PTPRJ: variants seen among roughly 807,000 people sequenced by gnomAD.
PTPRJ encodes receptor-type tyrosine-protein phosphatase eta.
A neutral mutation model predicts 141.3 loss-of-function variants in PTPRJ; 129 were observed. The ratio of observed to expected loss-of-function variants is 0.91; its 90% CI spans 0.79 to 1.06. PTPRJ has a LOEUF of 1.06. Among genes scored for constraint, PTPRJ ranks in the 50% least tolerant of loss-of-function variants. The pLI, the probability that PTPRJ is intolerant of heterozygous loss-of-function variation, is 0.00. For missense variants in PTPRJ, 1,601 were observed against 1,679.7 expected (o/e 0.95, Z 0.82); for synonymous variants, 610 against 640.5 (o/e 0.95, Z 0.72).
chr11:48,087,722 C>T (rs954965755), intron 1 of PTPRJ, among the ~76,000 whole-genome samples: 1 of 152,290 alleles, frequency 6.6e-6, no homozygotes, highest in African/African-American at 2.4e-5. Flanking sequence ...TCAGATTCTA[C>T]CTCTGTTACT....
intron 1 of PTPRJ, among the ~76,000 whole-genome samples, chr11:48,094,797 A>C (rs1360815601): frequency 6.6e-6 from 1 of 152,082 alleles, no homozygotes; most frequent in East Asian, 1.9e-4. Context: ...TTTGGATTAG[A>C]CTTTGGGTCA....
chr11:48,075,927 G>A (rs1423595014), intron 1 of PTPRJ, among the ~76,000 whole-genome samples: 1 of 152,148 alleles, frequency 6.6e-6, no homozygotes, highest in Admixed American at 6.6e-5. Flanking sequence ...GGGTGTTTGA[G>A]CCTCCTGCAT....
intron 7 of PTPRJ, among the ~76,000 whole-genome samples, chr11:48,129,264 A>G (rs1052601917): frequency 4.6e-5 from 7 of 152,228 alleles, no homozygotes; most frequent in African/African-American, 1.4e-4. Context: ...TTGAACAGAA[A>G]TAGACTTTCT....
At chr11:48,026,847 C>G (rs1228500985) in intron 1 of PTPRJ, among the ~76,000 whole-genome samples, 1 of 152,006 alleles carries the variant, frequency 6.6e-6, no homozygotes, top group Non-Finnish European at 1.5e-5. Flanking sequence ...CCCTCACCTG[C>G]TTCCCACCCT....
intron 15 of PTPRJ, among the ~76,000 whole-genome samples, chr11:48,147,658 G>A (rs930850607): frequency 1.3e-5 from 2 of 152,140 alleles, no homozygotes; most frequent in African/African-American, 2.4e-5. Context: ...TTCATGGCAC[G>A]CCCTCTTGTC....
At position 47,981,080 on chromosome 11, in the gene PTPRJ, G is replaced by A. The variant is rs566221989; in HGVS notation, c.96+72G>A. The A allele has an allele frequency of 1.6e-3, 1,892 of 1,190,928 alleles. 37 individuals are homozygous for A. In the African/African-American group the frequency reaches 0.026, roughly 17 times the overall value. 73.8% of individuals were successfully genotyped at this position (1,190,928 alleles called of 1,614,324 possible). A position where few individuals can be genotyped will look rare whatever the true frequency, so the allele number is the denominator to read the frequency against. The stretch of plus-strand genomic sequence containing the variant: ...ACTGGCATTGACTGCACCTGCCCGA[G>A]CGTACCCCCCCGGGGGGTTCCGGGG... On this transcript the variant is annotated intron_variant, in intron 1 of 24. Coordinates refer to ENST00000418331, the MANE Select transcript of PTPRJ (RefSeq NM_002843.4).
At chr11:48,122,562 C>T (rs17789583) in intron 4 of PTPRJ, among the ~76,000 whole-genome samples, 4,660 of 152,274 alleles carry the variant, frequency 0.031, 106 homozygotes, top group Non-Finnish European at 0.046. Context: ...AAGTTTCTTC[C>T]GGTGTCTCAG....
chr11:48,036,382 C>G (rs1215360245), intron 1 of PTPRJ, among the ~76,000 whole-genome samples: 1 of 152,228 alleles, frequency 6.6e-6, no homozygotes, highest in Non-Finnish European at 1.5e-5. Context: ...TCTTGAATTG[C>G]TCCTGATTGT....
intron 1 of PTPRJ, among the ~76,000 whole-genome samples, chr11:48,021,769 GGTTTT>G (rs542417904): frequency 1.8e-4 from 28 of 152,056 alleles, no homozygotes; most frequent in Admixed American, 3.9e-4. Context: ...ATTGTCTGTG[GGTTTT>G]GTTTTGTTTT....
intron 4 of PTPRJ, among the ~76,000 whole-genome samples, chr11:48,122,905 AG>A (rs1179973942): frequency 1.3e-5 from 2 of 152,160 alleles, no homozygotes; most frequent in Admixed American, 1.3e-4. Context: ...ATGAAGCTGC[AG>A]CCCTGGGTTC....
chr11:48,104,978 A>G (rs1856249627), intron 1 of PTPRJ, among the ~76,000 whole-genome samples: 1 of 152,130 alleles, frequency 6.6e-6, no homozygotes, highest in Non-Finnish European at 1.5e-5. Flanking sequence ...GGGGATAAAC[A>G]CAGTTCCTCC....
chr11:48,130,481 C>A lies in PTPRJ; in HGVS notation c.1380C>A (p.Phe460Leu). The change falls in exon 8 of 25, where the codon TTC becomes TTA. Residue 460 changes from phenylalanine to leucine, a missense_variant. Transcript: ENST00000418331. ...VHTPPVPVSD[F>L]RVTVVSTTEI... The stretch of plus-strand genomic sequence containing the variant: ...TAGCCCCTGTTCCAGTTTCTGACTT[C>A]CGAGTGACAGTGGTCAGCACGACGG... The A allele has an allele frequency of 6.2e-7, 1 of 1,611,782 alleles. No individual in the cohort carries two copies. Among genetic ancestry groups the A allele is most frequent in the Non-Finnish European group, 8.5e-7 (1 of 1,178,590 alleles).
intron 1 of PTPRJ, among the ~76,000 whole-genome samples, chr11:48,028,016 A>C (rs1195099317): frequency 6.6e-6 from 1 of 152,090 alleles, no homozygotes; most frequent in East Asian, 1.9e-4. Flanking sequence ...TCCTCTAGTG[A>C]AAGAAAAAGG....
chr11:48,128,194 T>C, intron 7 of PTPRJ, 151 bp downstream of exon 7: 2 of 1,027,458 alleles, frequency 1.9e-6, no homozygotes, highest in Non-Finnish European at 2.8e-6. Flanking sequence ...GCACATTGTA[T>C]GCTCACAACA....
At chr11:48,110,494 C>T (rs577689847) in intron 2 of PTPRJ, among the ~76,000 whole-genome samples, 6 of 152,312 alleles carry the variant, frequency 3.9e-5, no homozygotes, top group South Asian at 2.1e-4. Flanking sequence ...CCACCACGCC[C>T]GGCCCCAATT....
intron 1 of PTPRJ, among the ~76,000 whole-genome samples, chr11:48,026,785 G>A (rs1032727050): frequency 6.6e-6 from 1 of 151,658 alleles, no homozygotes; most frequent in Non-Finnish European, 1.5e-5. Context: ...TGAGATTTTG[G>A]TGCACCCATC....
chr11:48,021,659 C>T (rs1014035033), intron 1 of PTPRJ, among the ~76,000 whole-genome samples: 1 of 151,288 alleles, frequency 6.6e-6, no homozygotes, highest in African/African-American at 2.4e-5. Flanking sequence ...TGCACCCTGC[C>T]CCTCCTCCCC....
intron 1 of PTPRJ, among the ~76,000 whole-genome samples, chr11:48,019,953 G>T (rs1402149378): frequency 1.3e-5 from 2 of 152,212 alleles, no homozygotes; most frequent in African/African-American, 4.8e-5. Context: ...AAGGAACTGT[G>T]TATTTGAGAT....
rs763903384 is a variant in PTPRJ, at chr11:48,167,258, G to C, written c.3910G>C (p.Asp1304His). ...TTTGGATATTGTCAGATCCCAGAAA[G>C]ACTCAAAAGTAGATCTTATCTACCA... ...CVLDIVRSQK[D>H]SKVDLIYQNT... Residue 1304 changes from aspartate (D) to histidine (H), a missense_variant, in exon 25 of 25, where the codon GAC becomes CAC. Coordinates refer to ENST00000418331, the MANE Select transcript of PTPRJ (RefSeq NM_002843.4). The C allele has an allele frequency of 1.2e-6, 2 of 1,612,674 alleles. No individual in the cohort carries two copies. Among genetic ancestry groups the C allele is most frequent in the East Asian group, 2.2e-5 (1 of 44,882 alleles).
Sources: allele counts gnomAD v4.1 joint callset (sites outside exome capture counted in the v4.1 genomes callset), GRCh38; gene constraint gnomAD v4.1.1; transcripts MANE v1.5; gene names NCBI Gene and HGNC (gene_info 2026-07-23, HGNC 2026-07-21).